The following CHD9 variants were observed in gnomAD, a reference collection of about 807,000 sequenced individuals.
CHD9 encodes the protein chromodomain helicase DNA binding protein 9.
A neutral mutation model predicts 316.1 loss-of-function variants in CHD9; 77 were observed. The ratio of observed to expected loss-of-function variants is 0.24; its 90% CI spans 0.20 to 0.29. The LOEUF is 0.29. Ranked by LOEUF, CHD9 falls within the 10% of genes least tolerant of loss-of-function variation. CHD9 has a pLI of 1.00. For missense variants in CHD9, 2,763 were observed against 3,438.1 expected (o/e 0.80, Z 4.91); for synonymous variants, 1,129 against 1,158.3 (o/e 0.97, Z 0.51).
At chr16:53,109,565 C>T (rs1273793580) in intron 1 of CHD9, among the ~76,000 whole-genome samples, 1 of 151,506 alleles carries the variant, frequency 6.6e-6, no homozygotes, top group Non-Finnish European at 1.5e-5. Context: ...CAACTCCTGA[C>T]CTCAGGTGAT....
chr16:53,222,613 C>G (rs766944465), intron 3 of CHD9, 31 bp from the exon 4 acceptor site: 1 of 1,011,948 alleles, frequency 9.9e-7, no homozygotes, highest in Non-Finnish European at 1.5e-6. Flanking sequence ...TCAAAGAATT[C>G]ATACTTTTTA....
chr16:53,180,155 C>T (rs2043389898), intron 2 of CHD9, among the ~76,000 whole-genome samples: 1 of 151,422 alleles, frequency 6.6e-6, no homozygotes, highest in Non-Finnish European at 1.5e-5. Flanking sequence ...TACAGTTGCC[C>T]ACCACCACGC....
At chr16:53,242,525 A>AT (rs1176075454) in intron 12 of CHD9, among the ~76,000 whole-genome samples, 1 of 152,190 alleles carries the variant, frequency 6.6e-6, no homozygotes, top group African/African-American at 2.4e-5. Context: ...CATTGGCCAG[A>AT]TTTTATCATG....
chr16:53,322,845 AG>A (rs1196784084), intron 38 of CHD9, among the ~76,000 whole-genome samples: 5 of 152,202 alleles, frequency 3.3e-5, no homozygotes, highest in African/African-American at 1.2e-4. Context: ...TAATTGCACA[AG>A]GAAAAAAATA....
At chr16:53,129,389 T>G (rs1016310882) in intron 1 of CHD9, among the ~76,000 whole-genome samples, 6 of 152,230 alleles carry the variant, frequency 3.9e-5, no homozygotes, top group African/African-American at 1.4e-4. Flanking sequence ...CTTGGTCTAA[T>G]ATGTGGTTGT....
At chr16:53,216,779 T>G (rs918179785) in intron 3 of CHD9, among the ~76,000 whole-genome samples, 1 of 152,220 alleles carries the variant, frequency 6.6e-6, no homozygotes, top group African/African-American at 2.4e-5. Flanking sequence ...GCACCAGAAC[T>G]CTTAGGGAAT....
At chr16:53,197,146 A>G (rs922694489) in intron 2 of CHD9, among the ~76,000 whole-genome samples, 12 of 152,212 alleles carry the variant, frequency 7.9e-5, no homozygotes, top group African/African-American at 2.9e-4. Context: ...GCAGACTAGT[A>G]GAAAGGTTAT....
chr16:53,182,385 T>C (rs1434457483), intron 2 of CHD9, among the ~76,000 whole-genome samples: 1 of 152,130 alleles, frequency 6.6e-6, no homozygotes, highest in East Asian at 1.9e-4. Context: ...TTTGTGGAGA[T>C]GGGGGTCTTA....
Position 53,267,933 on chromosome 16 carries a change from C to T in CHD9, c.4524C>T (p.Gly1508=), listed in dbSNP as rs757310212. The change falls in exon 22 of 39, where the codon GGC becomes GGT. Residue 1508 remains glycine (G), a synonymous_variant. Transcript: ENST00000447540. ...VEKNLLVYGW[G]RWREILSHGR... is the part of the protein sequence containing the mutation. ...CTATACCTTTTTTAACCAGGTGGGG[C>T]CGATGGAGAGAGATTCTATCTCATG... The T allele has an allele frequency of 1.8e-5, 29 of 1,613,028 alleles. No individual in the cohort carries two copies. In the South Asian group the frequency reaches 3.0e-4, roughly 16 times the overall value.
At chr16:53,067,464 C>G (rs1454056710) in intron 1 of CHD9, among the ~76,000 whole-genome samples, 4 of 152,066 alleles carry the variant, frequency 2.6e-5, no homozygotes, top group Non-Finnish European at 5.9e-5. Flanking sequence ...TTTATACCAA[C>G]AAAAATGGGC....
At chr16:53,062,768 C>A (rs570466598) in intron 1 of CHD9, among the ~76,000 whole-genome samples, 1 of 152,094 alleles carries the variant, frequency 6.6e-6, no homozygotes, top group Non-Finnish European at 1.5e-5. Flanking sequence ...CGATGGCTCA[C>A]GCCTGTAATC....
chr16:53,191,515 C>T (rs556919568), intron 2 of CHD9, among the ~76,000 whole-genome samples: 35 of 152,134 alleles, frequency 2.3e-4, no homozygotes, highest in African/African-American at 3.6e-4. Flanking sequence ...GCTATGTAAA[C>T]GTTATCATAC....
At chr16:53,307,260 T>C (rs1419546097) in intron 32 of CHD9, among the ~76,000 whole-genome samples, 1 of 152,178 alleles carries the variant, frequency 6.6e-6, no homozygotes, top group Non-Finnish European at 1.5e-5. Flanking sequence ...CTTTGTGGTA[T>C]AATTTTTTGT....
Position 53,231,545 on chromosome 16 carries a change from C to T in CHD9, c.2373+40C>T, listed in dbSNP as rs752426517. On this transcript the variant is annotated intron_variant, in intron 9 of 38. Coordinates refer to ENST00000447540, the MANE Select transcript of CHD9 (RefSeq NM_001308319.2). ...AAAAGATTTTTTAAGTAAGAAAAATCTGAAACTTTCCAAGTATTAAGACCT... is the reference window on the plus strand; with the variant it reads ...AAAAGATTTTTTAAGTAAGAAAAATTTGAAACTTTCCAAGTATTAAGACCT... 20 of 1,413,688 alleles carry T rather than the reference C, an allele frequency of 1.4e-5. No homozygotes were observed. In the African/African-American group the frequency reaches 2.9e-4, roughly 20 times the overall value. 87.6% of individuals were successfully genotyped at this position (1,413,688 alleles called of 1,614,324 possible). A position where few individuals can be genotyped will look rare whatever the true frequency, so the allele number is the denominator to read the frequency against.
At chr16:53,224,202 A>G (rs2047464695) in intron 4 of CHD9, among the ~76,000 whole-genome samples, 1 of 152,212 alleles carries the variant, frequency 6.6e-6, no homozygotes, top group Non-Finnish European at 1.5e-5. Context: ...GGGACAATTT[A>G]TCAGGATTTT....
chr16:53,089,553 G>GA (rs1248830376), intron 1 of CHD9, among the ~76,000 whole-genome samples: 3 of 152,212 alleles, frequency 2.0e-5, no homozygotes, highest in Non-Finnish European at 4.4e-5. Flanking sequence ...GGAAATCAAA[G>GA]CACAGAGCAG....
Position 53,245,213 on chromosome 16 carries a change from AC to A in CHD9, c.3055-122del. The A allele has an allele frequency of 1.8e-6, 1 of 545,844 alleles. No homozygotes were observed. Among genetic ancestry groups the A allele is most frequent in the Non-Finnish European group, 2.8e-6 (1 of 359,988 alleles). 33.8% of individuals were successfully genotyped at this position (545,844 alleles called of 1,614,324 possible). A position where few individuals can be genotyped will look rare whatever the true frequency, so the allele number is the denominator to read the frequency against. ...ATATATATACACACACACACACATA[AC>A]ATATATATATGTATATATAGTCAGA... On this transcript the variant is annotated intron_variant, in intron 13 of 38. Coordinates refer to ENST00000447540, the MANE Select transcript of CHD9 (RefSeq NM_001308319.2). The surrounding 1 kb of genome is among the most constrained non-coding windows in gnomAD (Gnocchi z 4.1).
intron 1 of CHD9, among the ~76,000 whole-genome samples, chr16:53,074,367 A>G (rs528443943): frequency 6.6e-6 from 1 of 152,208 alleles, no homozygotes; most frequent in East Asian, 1.9e-4. Context: ...AGCAAATCCC[A>G]TTTTCTGAGG....
At chr16:53,198,350 C>T (rs758287385) in intron 2 of CHD9, among the ~76,000 whole-genome samples, 20 of 141,186 alleles carry the variant, frequency 1.4e-4, no homozygotes, top group Non-Finnish European at 2.6e-4. Context: ...GACAGAGTCT[C>T]GCTCTATCGC....
Sources: gnomAD v4.1 joint callset for allele counts (sites outside exome capture counted in the v4.1 genomes callset) on GRCh38, gnomAD v4.1.1 for gene constraint, Gnocchi (gnomAD v3.1) non-coding constraint, MANE v1.5 for transcripts, NCBI Gene and HGNC (gene_info 2026-07-23, HGNC 2026-07-21) for gene names.